The following SH3GL2 variants were observed in gnomAD, a reference collection of about 807,000 sequenced individuals.
SH3GL2 encodes the protein endophilin-A1.
Under a neutral mutation model 46.0 loss-of-function variants are expected in SH3GL2, and 24 were observed. The ratio of observed to expected loss-of-function variants is 0.52; its 90% CI spans 0.38 to 0.73. The LOEUF is 0.73. Among genes scored for constraint, SH3GL2 ranks in the 30% least tolerant of loss-of-function variants. The pLI is 0.00. For missense variants in SH3GL2, 413 were observed against 424.2 expected, an observed-to-expected ratio of 0.97 and a Z score of 0.23; for synonymous variants, 196 against 147.1, an observed-to-expected ratio of 1.33 and a Z score of -2.40.
Position 17,622,571 on chromosome 9 carries a change from T to C in SH3GL2, c.45+43284T>C, listed in dbSNP as rs1384321815. ...TCATAGGTGTCCACAACTTTATTCT[T>C]TTAATACCTCTACAAAGACCAAAAA... On this transcript the variant is annotated intron_variant, in intron 1 of 8. Transcript: ENST00000380607. Among the ~76,000 whole-genome samples the C allele has an allele frequency of 5.3e-5, 8 of 152,154 alleles. No homozygotes were observed. In the South Asian group the frequency reaches 1.0e-3, roughly 20 times the overall value.
At chr9:17,755,531 GC>G (rs1277987098) in intron 2 of SH3GL2, among the ~76,000 whole-genome samples, 1 of 152,070 alleles carries the variant, frequency 6.6e-6, no homozygotes, top group Non-Finnish European at 1.5e-5. Context: ...TGAACTCCTG[GC>G]CTTAAGCAAT....
chr9:17,583,571 A>T (rs1163658444), intron 1 of SH3GL2, among the ~76,000 whole-genome samples: 1 of 152,210 alleles, frequency 6.6e-6, no homozygotes, highest in Admixed American at 6.5e-5. Flanking sequence ...ATTATTTATA[A>T]ATTACCCCGT....
At chr9:17,666,504 T>G (rs1295747106) in intron 1 of SH3GL2, among the ~76,000 whole-genome samples, 1 of 151,502 alleles carries the variant, frequency 6.6e-6, no homozygotes, top group Non-Finnish European at 1.5e-5. Context: ...ACAAGCAGAT[T>G]CATGTGTTTT....
At chr9:17,679,587 G>A (rs1820712323) in intron 1 of SH3GL2, among the ~76,000 whole-genome samples, 1 of 152,144 alleles carries the variant, frequency 6.6e-6, no homozygotes, top group Non-Finnish European at 1.5e-5. Context: ...GGGACAATTT[G>A]ACTTCCTCTT....
At chr9:17,678,001 G>A (rs1563808349) in intron 1 of SH3GL2, among the ~76,000 whole-genome samples, 1 of 152,136 alleles carries the variant, frequency 6.6e-6, no homozygotes, top group Admixed American at 6.5e-5. Context: ...GTGTGTACGT[G>A]CCACATTTTC....
At chr9:17,619,511 C>G (rs1210701011) in intron 1 of SH3GL2, among the ~76,000 whole-genome samples, 1 of 152,022 alleles carries the variant, frequency 6.6e-6, no homozygotes, top group African/African-American at 2.4e-5. Flanking sequence ...CACCCCGTCT[C>G]TACTAAAAAT....
At chr9:17,634,282 C>A (rs556738802) in intron 1 of SH3GL2, among the ~76,000 whole-genome samples, 79 of 152,302 alleles carry the variant, frequency 5.2e-4, no homozygotes, top group African/African-American at 1.7e-3. Flanking sequence ...TGGGTAGTTA[C>A]ATATTTTCTT....
At chr9:17,764,380 A>G (rs191341611) in intron 3 of SH3GL2, among the ~76,000 whole-genome samples, 5 of 152,358 alleles carry the variant, frequency 3.3e-5, no homozygotes, top group Non-Finnish European at 5.9e-5. Context: ...GGTAAAGTTG[A>G]GAGTTAGGCA....
At chr9:17,581,945 C>T (rs980500076) in intron 1 of SH3GL2, among the ~76,000 whole-genome samples, 10 of 152,056 alleles carry the variant, frequency 6.6e-5, no homozygotes, top group African/African-American at 1.4e-4. Context: ...GTGATCTGCC[C>T]GCCTCGATTA....
At chr9:17,729,311 G>GAT (rs1164753013) in intron 1 of SH3GL2, among the ~76,000 whole-genome samples, 2 of 134,468 alleles carry the variant, frequency 1.5e-5, no homozygotes, top group African/African-American at 6.5e-5. Context: ...TTTTGATGGG[G>GAT]ATTTTTTTTT....
chr9:17,790,434 C>T, intron 6 of SH3GL2: 1 of 984,172 alleles, frequency 1.0e-6, no homozygotes, highest in Non-Finnish European at 1.2e-6. Context: ...GTGTGTTGAA[C>T]ATATCCAGAC....
chr9:17,669,391 A>G (rs927317473), intron 1 of SH3GL2, among the ~76,000 whole-genome samples: 2 of 152,204 alleles, frequency 1.3e-5, no homozygotes, highest in South Asian at 4.1e-4. Flanking sequence ...CACTGCAAGG[A>G]TCACTTATGT....
intron 1 of SH3GL2, among the ~76,000 whole-genome samples, chr9:17,666,325 T>A (rs1392038158): frequency 6.6e-6 from 1 of 152,094 alleles, no homozygotes; most frequent in Non-Finnish European, 1.5e-5. Context: ...TATTTGGATA[T>A]ATGAAACAGT....
chr9:17,691,821 A>T (rs1821086397), intron 1 of SH3GL2, among the ~76,000 whole-genome samples: 1 of 152,108 alleles, frequency 6.6e-6, no homozygotes, highest in Non-Finnish European at 1.5e-5. Context: ...TGGACTTTAA[A>T]ATTAGTGGTT....
intron 1 of SH3GL2, among the ~76,000 whole-genome samples, chr9:17,599,778 C>G (rs1373087912): frequency 6.6e-6 from 1 of 152,092 alleles, no homozygotes; most frequent in African/African-American, 2.4e-5. Context: ...TGATTTGGAA[C>G]TAGGGTCACA....
chr9:17,755,014 A>G (rs1461520908), intron 2 of SH3GL2, among the ~76,000 whole-genome samples: 1 of 152,124 alleles, frequency 6.6e-6, no homozygotes, highest in African/African-American at 2.4e-5. Context: ...CAGGACTTCC[A>G]ATACTATGTT....
intron 1 of SH3GL2, among the ~76,000 whole-genome samples, chr9:17,688,185 A>T (rs1820974513): frequency 1.3e-5 from 2 of 152,096 alleles, no homozygotes; most frequent in South Asian, 2.1e-4. Flanking sequence ...TACCAAGATT[A>T]TCTGGTTCTA....
rs1818387526 is a variant in SH3GL2, at chr9:17,586,917, A to G, written c.45+7630A>G. The stretch of plus-strand genomic sequence containing the variant: ...AGATAGCCTATGCTTTTAAACGTAC[A>G]GGAAATCGGCTGGGTGCGGTGGCTC... On this transcript the variant is annotated intron_variant, in intron 1 of 8. Transcript: ENST00000380607. Among the ~76,000 whole-genome samples the G allele has an allele frequency of 2.6e-5, 4 of 152,214 alleles. 1 individual carries two copies. In the South Asian group the frequency reaches 8.3e-4, roughly 32 times the overall value.
chr9:17,692,715 G>A (rs780874374), intron 1 of SH3GL2, among the ~76,000 whole-genome samples: 3 of 152,018 alleles, frequency 2.0e-5, no homozygotes, highest in South Asian at 2.1e-4. Flanking sequence ...ATTTTTCACT[G>A]TATACTTTTT....
Sources: allele counts gnomAD v4.1 joint callset (sites outside exome capture counted in the v4.1 genomes callset), GRCh38; gene constraint gnomAD v4.1.1; transcripts MANE v1.5; gene names NCBI Gene and HGNC (gene_info 2026-07-23, HGNC 2026-07-21).